Variants in C8orf34 observed in about 807,000 individuals in gnomAD.
The protein encoded by C8orf34 is chromosome 8 open reading frame 34.
Under a neutral mutation model 68.3 loss-of-function variants are expected in C8orf34, and 65 were observed. That is an observed-to-expected ratio of 0.95 (90% CI 0.78 to 1.17). The LOEUF is 1.17. Ranked by LOEUF, C8orf34 falls within the 50% of genes most tolerant of loss-of-function variation. The pLI, the probability that C8orf34 is intolerant of heterozygous loss-of-function variation, is 0.00. For synonymous variants in C8orf34, 244 were observed against 241.2 expected (o/e 1.01, Z -0.11); for missense variants, 664 against 655.4 (o/e 1.01, Z -0.14).
At chr8:68,591,382 C>G (rs142055788) in intron 7 of C8orf34, among the ~76,000 whole-genome samples, 7 of 152,210 alleles carry the variant, frequency 4.6e-5, no homozygotes, top group African/African-American at 1.4e-4. Flanking sequence ...GAAAAGATCT[C>G]TTATTGCTGC....
intron 1 of C8orf34, among the ~76,000 whole-genome samples, chr8:68,386,829 T>A (rs1808282603): frequency 6.6e-6 from 1 of 152,006 alleles, no homozygotes; most frequent in Non-Finnish European, 1.5e-5. Flanking sequence ...CACTGTAGGA[T>A]GTTTGGCAGC....
chr8:68,371,599 T>G (rs1807565046), intron 1 of C8orf34, among the ~76,000 whole-genome samples: 1 of 151,744 alleles, frequency 6.6e-6, no homozygotes, highest in African/African-American at 2.4e-5. Flanking sequence ...CTTCATTTCT[T>G]TCTTTTTTTT....
At chr8:68,533,216 A>G (rs768414046) in intron 7 of C8orf34, 67 bp downstream of exon 7, 31 of 1,504,926 alleles carry the variant, frequency 2.1e-5, no homozygotes, top group East Asian at 2.4e-5. Context: ...TGTGGTGATT[A>G]AGAGATTTTA....
chr8:68,514,377 G>T (rs1016372451), intron 5 of C8orf34, among the ~76,000 whole-genome samples: 2 of 152,122 alleles, frequency 1.3e-5, no homozygotes, highest in Non-Finnish European at 2.9e-5. Context: ...AAGAATCAGG[G>T]CCATTAAGTC....
intron 10 of C8orf34, among the ~76,000 whole-genome samples, chr8:68,757,805 A>G (rs1299598090): frequency 1.3e-5 from 2 of 152,190 alleles, no homozygotes; most frequent in Non-Finnish European, 2.9e-5. Context: ...CCAGAGACCC[A>G]TGGTCAAATC....
At chr8:68,625,685 C>T (rs1818519939) in intron 7 of C8orf34, 1 of 696,828 alleles carries the variant, frequency 1.4e-6, no homozygotes, top group South Asian at 1.5e-5. Flanking sequence ...CTCCCTGTGG[C>T]ACACCACAAG....
chr8:68,645,258 C>T (rs1441062432), intron 8 of C8orf34, among the ~76,000 whole-genome samples: 6 of 151,912 alleles, frequency 3.9e-5, no homozygotes, highest in South Asian at 2.1e-4. Context: ...TTTCCAAGGG[C>T]GAGTGGGAAG....
At chr8:68,391,643 TGACA>T (rs1808482839) in intron 1 of C8orf34, among the ~76,000 whole-genome samples, 1 of 152,178 alleles carries the variant, frequency 6.6e-6, no homozygotes, top group South Asian at 2.1e-4. Context: ...TGCTGTCAAG[TGACA>T]GACAGCAAAC....
intron 5 of C8orf34, among the ~76,000 whole-genome samples, chr8:68,510,902 C>T (rs982466912): frequency 2.0e-5 from 3 of 152,232 alleles, no homozygotes; most frequent in African/African-American, 7.2e-5. Context: ...TCTCCTCGGC[C>T]TGTTAGAAAG....
intron 10 of C8orf34, among the ~76,000 whole-genome samples, chr8:68,759,782 A>G (rs1351075487): frequency 6.6e-6 from 1 of 152,234 alleles, no homozygotes; most frequent in Non-Finnish European, 1.5e-5. Flanking sequence ...AACTATTTTC[A>G]AAAAATAATT....
chr8:68,535,993 AT>A, intron 7 of C8orf34, among the ~76,000 whole-genome samples: 1 of 152,132 alleles, frequency 6.6e-6, no homozygotes. Context: ...AATGACCACT[AT>A]GAAAAAAAGG....
chr8:68,432,075 G>T (rs1302838825), intron 1 of C8orf34, among the ~76,000 whole-genome samples: 1 of 152,052 alleles, frequency 6.6e-6, no homozygotes, highest in Non-Finnish European at 1.5e-5. Context: ...GGCCTATAGA[G>T]CTGTGGATGT....
rs571455888 is a variant in C8orf34, at chr8:68,535,838, G to C, written c.1105+2689G>C. 87 of 978,188 alleles carry C rather than the reference G, an allele frequency of 8.9e-5. No individual in the cohort carries two copies. The African/African-American group carries it at 9.3e-4, about 10-fold the overall frequency. The allele number at this position is 978,188 out of a possible 1,614,324, so 60.6% of individuals were successfully genotyped here. A position where few individuals can be genotyped will look rare whatever the true frequency, so the allele number is the denominator to read the frequency against. On this transcript the variant is annotated intron_variant, in intron 7 of 13. Coordinates refer to ENST00000518698, the MANE Select transcript of C8orf34 (RefSeq NM_052958.4). The stretch of plus-strand genomic sequence containing the variant: ...AACAGCCAAACTTGTGAATTTTTAA[G>C]ATATAATCATTTTAAGCACCTCTGA...
intron 10 of C8orf34, among the ~76,000 whole-genome samples, chr8:68,749,640 T>C (rs1031576263): frequency 2.0e-5 from 3 of 152,150 alleles, no homozygotes; most frequent in Non-Finnish European, 4.4e-5. Flanking sequence ...ACTGATATAC[T>C]TTCTGTTCCT....
intron 7 of C8orf34, among the ~76,000 whole-genome samples, chr8:68,601,973 C>T (rs1817711638): frequency 6.6e-6 from 1 of 152,158 alleles, no homozygotes; most frequent in South Asian, 2.1e-4. Flanking sequence ...CTCACACGGC[C>T]TCACGGATGG....
chr8:68,717,669 T>A (rs7018360), intron 9 of C8orf34, among the ~76,000 whole-genome samples: 1 of 152,066 alleles, frequency 6.6e-6, no homozygotes, highest in South Asian at 2.1e-4. Flanking sequence ...TTTAAATAGA[T>A]CATATATACT....
chr8:68,807,406 G>A (rs1824517865), intron 12 of C8orf34, among the ~76,000 whole-genome samples: 1 of 152,104 alleles, frequency 6.6e-6, no homozygotes, highest in South Asian at 2.1e-4. Flanking sequence ...TAAATGTAGT[G>A]TGTTTCCCTC....
rs996775414 is a variant in C8orf34, at chr8:68,500,641, C to T, written c.765+12590C>T. Among the ~76,000 whole-genome samples, 10 of 152,084 alleles carry T rather than the reference C, an allele frequency of 6.6e-5. No homozygotes were observed. In the East Asian group the frequency reaches 1.7e-3, roughly 26 times the overall value. On this transcript the variant is annotated intron_variant, in intron 5 of 13. Coordinates refer to ENST00000518698, the MANE Select transcript of C8orf34 (RefSeq NM_052958.4). ...GAACCCTCACCCACACACATCCACA[C>T]TCACACCCACCCAGCCCTCAACACA...
At chr8:68,413,162 G>A (rs1586083069) in intron 1 of C8orf34, among the ~76,000 whole-genome samples, 1 of 152,096 alleles carries the variant, frequency 6.6e-6, no homozygotes, top group East Asian at 1.9e-4. Flanking sequence ...CAGATTCTTA[G>A]TTCAATTGCT....
Sources: gnomAD v4.1 joint callset for allele counts (sites outside exome capture counted in the v4.1 genomes callset) on GRCh38, gnomAD v4.1.1 for gene constraint, MANE v1.5 for transcripts, NCBI Gene and HGNC (gene_info 2026-07-23, HGNC 2026-07-21) for gene names.